SLC25A26: variants seen among roughly 807,000 people sequenced by gnomAD.
SLC25A26 encodes the protein mitochondrial S-adenosylmethionine carrier protein.
A neutral mutation model predicts 37.8 loss-of-function variants in SLC25A26; 36 were observed. That is an observed-to-expected ratio of 0.95 (90% CI 0.73 to 1.26). The LOEUF (loss-of-function observed/expected upper bound fraction) is 1.26, where lower values mean the gene tolerates loss of function less well. Among genes scored for constraint, SLC25A26 ranks in the 50% most tolerant of loss-of-function variants. SLC25A26 has a pLI of 0.00. For missense variants in SLC25A26, 390 were observed against 331.1 expected, an observed-to-expected ratio of 1.18 and a Z score of -1.38; for synonymous variants, 129 against 122.5, an observed-to-expected ratio of 1.05 and a Z score of -0.35.
At chr3:66,241,353 A>T (rs187233102) in intron 2 of SLC25A26, among the ~76,000 whole-genome samples, 62 of 152,314 alleles carry the variant, frequency 4.1e-4, no homozygotes, top group Non-Finnish European at 7.9e-4. Flanking sequence ...GCAAAGAAAC[A>T]TGTCACAAAG....
intron 5 of SLC25A26, among the ~76,000 whole-genome samples, chr3:66,334,600 A>G (rs1009423155): frequency 4.6e-5 from 7 of 152,120 alleles, no homozygotes; most frequent in African/African-American, 1.7e-4. Context: ...ATAGGTGTGA[A>G]TTACTGCGCC....
At position 66,195,764 on chromosome 3, in the gene SLC25A26, G is replaced by T. The variant is rs1049383709; in HGVS notation, c.-353-24978G>T. Among the ~76,000 whole-genome samples the T allele has an allele frequency of 1.6e-3, 237 of 152,336 alleles. 1 individual carries two copies. Among genetic ancestry groups the T allele is most frequent in the Non-Finnish European group, 2.7e-3 (183 of 68,040 alleles). ...AAGGAGTCTCAAAAGAATGGTTGAA[G>T]AATATGCAAAAAGCATTGAGAATTA... On this transcript the variant is annotated intron_variant, in intron 1 of 10. Transcript: ENST00000676754.
chr3:66,164,965 C>T (rs1334947053), intron 1 of SLC25A26, among the ~76,000 whole-genome samples: 4 of 152,168 alleles, frequency 2.6e-5, no homozygotes, highest in African/African-American at 9.7e-5. Context: ...AAGATGCCCC[C>T]AATGATCCAT....
At chr3:66,266,919 A>G (rs2073776087) in intron 5 of SLC25A26, among the ~76,000 whole-genome samples, 1 of 152,180 alleles carries the variant, frequency 6.6e-6, no homozygotes, top group Non-Finnish European at 1.5e-5. Context: ...AGGACTTTTT[A>G]TAGAGGAAGA....
intron 5 of SLC25A26, among the ~76,000 whole-genome samples, chr3:66,306,956 G>T (rs897752343): frequency 6.6e-6 from 1 of 151,892 alleles, no homozygotes; most frequent in African/African-American, 2.4e-5. Flanking sequence ...AAATAGTGCT[G>T]CAGTAAACAT....
chr3:66,274,438 G>A (rs1478418754), intron 5 of SLC25A26, among the ~76,000 whole-genome samples: 2 of 151,964 alleles, frequency 1.3e-5, no homozygotes, highest in African/African-American at 4.8e-5. Context: ...CACAGCAAAA[G>A]AAACTACCAT....
rs906658883 is a variant in SLC25A26, at chr3:66,378,116, C to G, written c.*309C>G. On this transcript the variant is annotated 3_prime_UTR_variant, in exon 10 of 10. Transcript: ENST00000354883. ...TTTAGAGCTTTCATTTGATCTGTAT[C>G]TGATCTTTCATTTCCTGCCACCTGA... The G allele has an allele frequency of 7.0e-5, 16 of 228,916 alleles. No homozygotes were observed. Among genetic ancestry groups the G allele is most frequent in the African/African-American group, 3.1e-4 (14 of 44,616 alleles). The allele number at this position is 228,916 out of a possible 1,614,324, so 14.2% of individuals were successfully genotyped here. A position where few individuals can be genotyped will look rare whatever the true frequency, so the allele number is the denominator to read the frequency against.
intron 1 of SLC25A26, among the ~76,000 whole-genome samples, chr3:66,196,889 T>C (rs1576632469): frequency 6.6e-6 from 1 of 152,136 alleles, no homozygotes; most frequent in African/African-American, 2.4e-5. Context: ...ATAAGCATTA[T>C]CTTATATTAA....
At chr3:66,307,978 A>G (rs771049051) in intron 5 of SLC25A26, among the ~76,000 whole-genome samples, 1 of 152,160 alleles carries the variant, frequency 6.6e-6, no homozygotes, top group Non-Finnish European at 1.5e-5. Context: ...TGTCTTGGCT[A>G]TACGGGTCTT....
chr3:66,370,563 C>G lies in SLC25A26; in HGVS notation c.668C>G (p.Ser223Cys). ...AGCACTGCTGATGGGAATGTGCTCT[C>G]TGTCCTGCATGGGGTCTGGCGGTCA... ...GSSTADGNVLSVLHGVWRSQG... is the reference protein window; with the variant it reads ...GSSTADGNVLCVLHGVWRSQG... The change falls in exon 9 of 10, where the codon TCT (serine) becomes TGT (cysteine). Residue 223 changes from serine (S) to cysteine (C), a missense_variant. Ser to Cys is a moderately radical substitution (Grantham distance 112, BLOSUM62 -1). Transcript: ENST00000354883. 5.0e-6 allele frequency: 8 copies of G among 1,613,958 alleles called. No individual in the cohort carries two copies. The highest frequency in any genetic ancestry group is 6.8e-6 in the Non-Finnish European group (8 of 1,179,872).
chr3:66,259,681 C>T (rs933873561), intron 3 of SLC25A26, among the ~76,000 whole-genome samples: 4 of 152,182 alleles, frequency 2.6e-5, no homozygotes, highest in African/African-American at 4.8e-5. Context: ...ATAGCAGTCT[C>T]GTAACCCATC....
At chr3:66,303,018 G>A (rs2075119257) in intron 5 of SLC25A26, among the ~76,000 whole-genome samples, 2 of 152,236 alleles carry the variant, frequency 1.3e-5, no homozygotes, top group African/African-American at 4.8e-5. Flanking sequence ...AGCATCCCTG[G>A]CCTCTACCCA....
chr3:66,152,575 G>T (rs919902172), intron 1 of SLC25A26, among the ~76,000 whole-genome samples: 1 of 151,896 alleles, frequency 6.6e-6, no homozygotes, highest in Non-Finnish European at 1.5e-5. Context: ...AGCTTTTCCA[G>T]CTGTCACATC....
chr3:66,340,689 T>A (rs2076189882), intron 5 of SLC25A26, among the ~76,000 whole-genome samples: 1 of 152,096 alleles, frequency 6.6e-6, no homozygotes, highest in Non-Finnish European at 1.5e-5. Flanking sequence ...CTCCTCTGTT[T>A]CATTGTTTAT....
intron 5 of SLC25A26, among the ~76,000 whole-genome samples, chr3:66,341,488 A>T (rs116150861): frequency 0.011 from 1,692 of 152,284 alleles, 41 homozygotes; most frequent in African/African-American, 0.038. Context: ...GATTCTGTAG[A>T]ATGTGGAAAA....
chr3:66,274,854 G>C (rs1329714124), intron 5 of SLC25A26, among the ~76,000 whole-genome samples: 1 of 152,016 alleles, frequency 6.6e-6, no homozygotes, highest in Non-Finnish European at 1.5e-5. Context: ...GATTCCTCAG[G>C]GATCTAGAAC....
intron 5 of SLC25A26, among the ~76,000 whole-genome samples, chr3:66,287,285 G>C (rs1325266462): frequency 6.8e-6 from 1 of 146,850 alleles, no homozygotes; most frequent in Non-Finnish European, 1.5e-5. Context: ...GACAGAGCGA[G>C]ACTCCGTCTC....
At position 66,223,768 on chromosome 3, in the gene SLC25A26, T is replaced by G. The variant is rs550755992; in HGVS notation, c.33+2641T>G. 5.9e-5 allele frequency among the ~76,000 whole-genome samples: 9 copies of G among 152,252 alleles called. No homozygotes were observed. In the South Asian group the frequency reaches 1.7e-3, roughly 28 times the overall value. ...CTTCCTAAAGCTTCATGAAGAGGATTGAATAAGTGGAGAGCCTCTGGGATG... is the reference window on the plus strand; with the variant it reads ...CTTCCTAAAGCTTCATGAAGAGGATGGAATAAGTGGAGAGCCTCTGGGATG... On this transcript the variant is annotated intron_variant, in intron 1 of 9. Transcript: ENST00000354883.
Position 66,377,974 on chromosome 3 carries a change from A to T in SLC25A26, c.*167A>T. ...CCGTGGTATAGGCTGGCTGGTATGAAGTCATTGGCCTGTATGCCAGAGAGC... is the reference window on the plus strand; with the variant it reads ...CCGTGGTATAGGCTGGCTGGTATGATGTCATTGGCCTGTATGCCAGAGAGC... On this transcript the variant is annotated 3_prime_UTR_variant, in exon 10 of 10. Transcript: ENST00000354883. The T allele has an allele frequency of 1.7e-6, 1 of 593,564 alleles. No individual in the cohort carries two copies. Among genetic ancestry groups the T allele is most frequent in the Non-Finnish European group, 3.0e-6 (1 of 335,040 alleles). 36.8% of individuals were successfully genotyped at this position (593,564 alleles called of 1,614,324 possible).
Sources: allele counts gnomAD v4.1 joint callset (sites outside exome capture counted in the v4.1 genomes callset), GRCh38; gene constraint gnomAD v4.1.1; transcripts MANE v1.5; gene names NCBI Gene and HGNC (gene_info 2026-07-23, HGNC 2026-07-21).